Variants in COX7B2 observed in about 807,000 individuals in gnomAD.
COX7B2 encodes cytochrome c oxidase subunit 7B2, also known as cytochrome c oxidase subunit 7B2, mitochondrial.
For missense variants in COX7B2, 109 were observed against 95.9 expected (o/e 1.14, Z -0.57); for synonymous variants, 37 against 32.1 (o/e 1.15, Z -0.51).
At chr4:46,864,348 A>AT (rs34007076) in intron 1 of COX7B2, among the ~76,000 whole-genome samples, 203 of 147,202 alleles carry the variant, frequency 1.4e-3, no homozygotes, top group Middle Eastern at 3.5e-3. Context: ...CACCCACGAC[A>AT]TTTTTTTTTT....
chr4:46,796,874 T>A (rs1407842612), intron 2 of COX7B2, among the ~76,000 whole-genome samples: 1 of 42,706 alleles, frequency 2.3e-5, no homozygotes, highest in Non-Finnish European at 4.1e-5. Flanking sequence ...TTCTCACTCA[T>A]AGGTGGGAAT....
intron 2 of COX7B2, among the ~76,000 whole-genome samples, chr4:46,770,411 T>A (rs1045847706): frequency 1.3e-5 from 2 of 152,170 alleles, no homozygotes; most frequent in African/African-American, 4.8e-5. Context: ...AAAATGTCCA[T>A]ACTACCCAAA....
At chr4:46,758,781 T>G (rs575508669) in intron 2 of COX7B2, among the ~76,000 whole-genome samples, 2 of 152,106 alleles carry the variant, frequency 1.3e-5, no homozygotes, top group Non-Finnish European at 2.9e-5. Context: ...GAATTTCAGT[T>G]TTCATGGACT....
Position 46,888,639 on chromosome 4 carries a change from G to A in COX7B2, c.-105+20521C>T, listed in dbSNP as rs181118371. On this transcript the variant is annotated intron_variant, in intron 1 of 2. Transcript: ENST00000355591. ...TTTTGTATTTTTTTACTAGAGATGG[G>A]GTTTCACCATGTTAGTCAGGATGGT... is the stretch of plus-strand genomic sequence containing the variant. Among the ~76,000 whole-genome samples, 14 of 151,900 alleles carry A rather than the reference G, an allele frequency of 9.2e-5. No individual in the cohort carries two copies. The East Asian group carries it at 2.3e-3, about 25-fold the overall frequency.
At chr4:46,839,485 T>G (rs1343519451) in intron 2 of COX7B2, among the ~76,000 whole-genome samples, 1 of 151,956 alleles carries the variant, frequency 6.6e-6, no homozygotes, top group Admixed American at 6.6e-5. Flanking sequence ...TTTTCATTAT[T>G]ATTAAGAGGC....
At chr4:46,758,724 C>T (rs780170508) in intron 2 of COX7B2, among the ~76,000 whole-genome samples, 1 of 152,034 alleles carries the variant, frequency 6.6e-6, no homozygotes, top group Non-Finnish European at 1.5e-5. Flanking sequence ...AGCATAGGAG[C>T]GTAGCCAGCA....
intron 2 of COX7B2, among the ~76,000 whole-genome samples, chr4:46,824,282 ACT>A (rs1456770924): frequency 6.6e-6 from 1 of 152,128 alleles, no homozygotes; most frequent in Non-Finnish European, 1.5e-5. Flanking sequence ...ATTCCAAAAA[ACT>A]GAGGAGGAGG....
intron 1 of COX7B2, among the ~76,000 whole-genome samples, chr4:46,870,554 C>T (rs1158554554): frequency 6.6e-6 from 1 of 152,104 alleles, no homozygotes; most frequent in Non-Finnish European, 1.5e-5. Flanking sequence ...TCTCCGTTTG[C>T]AGATGACATG....
chr4:46,904,019 A>C (rs1425403503), intron 1 of COX7B2: 1 of 152,196 alleles, frequency 6.6e-6, no homozygotes. Flanking sequence ...AATCATCTGC[A>C]AAAAAAGGTG....
intron 1 of COX7B2, among the ~76,000 whole-genome samples, chr4:46,862,762 A>G (rs999739306): frequency 6.6e-6 from 1 of 152,194 alleles, no homozygotes; most frequent in African/African-American, 2.4e-5. Flanking sequence ...ATCAGGAAGT[A>G]ACTTTGAATG....
intron 1 of COX7B2, among the ~76,000 whole-genome samples, chr4:46,890,058 T>A (rs943348530): frequency 2.0e-5 from 3 of 152,264 alleles, no homozygotes; most frequent in African/African-American, 7.2e-5. Context: ...CGTGGCCAAC[T>A]GAGCTCAGGT....
intron 2 of COX7B2, among the ~76,000 whole-genome samples, chr4:46,775,960 T>C (rs1397878728): frequency 6.6e-6 from 1 of 152,144 alleles, no homozygotes; most frequent in Non-Finnish European, 1.5e-5. Flanking sequence ...ATGCCAATAC[T>C]TGGCAATTTG....
intron 2 of COX7B2, among the ~76,000 whole-genome samples, chr4:46,783,319 A>G (rs1717582494): frequency 6.6e-6 from 1 of 152,220 alleles, no homozygotes; most frequent in African/African-American, 2.4e-5. Context: ...TGTAAAATGG[A>G]AAAAGGCCAG....
intron 2 of COX7B2, among the ~76,000 whole-genome samples, chr4:46,791,595 G>A (rs1718050627): frequency 1.3e-5 from 2 of 152,162 alleles, no homozygotes; most frequent in South Asian, 4.1e-4. Flanking sequence ...ATTCTAAAGT[G>A]TTGGGCAGCT....
chr4:46,790,016 C>G (rs1227192235), intron 2 of COX7B2, among the ~76,000 whole-genome samples: 4 of 149,314 alleles, frequency 2.7e-5, no homozygotes, highest in Non-Finnish European at 5.9e-5. Flanking sequence ...AAAAAAAAAA[C>G]AGCAAAAACT....
chr4:46,744,578 T>C (rs1714906630), intron 2 of COX7B2, among the ~76,000 whole-genome samples: 1 of 152,008 alleles, frequency 6.6e-6, no homozygotes, highest in Admixed American at 6.6e-5. Flanking sequence ...CCATTAAAGG[T>C]GAATCAATGA....
intron 2 of COX7B2, among the ~76,000 whole-genome samples, chr4:46,736,634 C>T (rs1004987784): frequency 3.3e-5 from 5 of 152,186 alleles, no homozygotes; most frequent in African/African-American, 1.2e-4. Flanking sequence ...TTTTGACTTA[C>T]TCCTGGCAAC....
intron 2 of COX7B2, among the ~76,000 whole-genome samples, chr4:46,813,944 G>A (rs910502393): frequency 2.0e-5 from 3 of 151,988 alleles, no homozygotes; most frequent in Admixed American, 6.6e-5. Flanking sequence ...GTTCAATATC[G>A]CTAATCCTCA....
chr4:46,745,417 C>T (rs1714962930), intron 2 of COX7B2, among the ~76,000 whole-genome samples: 1 of 152,184 alleles, frequency 6.6e-6, no homozygotes, highest in South Asian at 2.1e-4. Context: ...TCATTGAAAG[C>T]TGTTTTACTA....
Sources: allele counts gnomAD v4.1 joint callset (sites outside exome capture counted in the v4.1 genomes callset), GRCh38; gene constraint gnomAD v4.1.1; transcripts MANE v1.5; gene names NCBI Gene and HGNC (gene_info 2026-07-23, HGNC 2026-07-21).